SOX5: variants seen among roughly 807,000 people sequenced by gnomAD.
SOX5 encodes transcription factor SOX-5.
A neutral mutation model predicts 92.0 loss-of-function variants in SOX5; 9 were observed. That is an observed-to-expected ratio of 0.10 (90% CI 0.06 to 0.17). The LOEUF is 0.17. Among genes scored for constraint, SOX5 ranks in the 10% least tolerant of loss-of-function variants. The pLI, the probability that SOX5 is intolerant of heterozygous loss-of-function variation, is 1.00. For synonymous variants in SOX5, 344 were observed against 336.3 expected (o/e 1.02, Z -0.25); for missense variants, 642 against 944.5 (o/e 0.68, Z 4.20).
intron 2 of SOX5, among the ~76,000 whole-genome samples, chr12:24,361,904 C>T (rs911605913): frequency 2.0e-5 from 3 of 152,144 alleles, no homozygotes; most frequent in Non-Finnish European, 4.4e-5. Flanking sequence ...TTCTTCTACT[C>T]CAAGAGTCCA....
intron 4 of SOX5, among the ~76,000 whole-genome samples, chr12:24,158,257 T>C (rs1487807639): frequency 1.3e-5 from 2 of 152,076 alleles, no homozygotes; most frequent in Non-Finnish European, 2.9e-5. Context: ...AATAAAAATG[T>C]TTATTTAATA....
intron 1 of SOX5, among the ~76,000 whole-genome samples, chr12:23,898,973 G>C (rs992716523): frequency 5.3e-5 from 8 of 152,294 alleles, no homozygotes; most frequent in Middle Eastern, 3.4e-3. Flanking sequence ...ATATCAATCT[G>C]TTGGTTGTAT....
At chr12:24,082,291 C>T (rs1943433621) in intron 4 of SOX5, among the ~76,000 whole-genome samples, 2 of 150,790 alleles carry the variant, frequency 1.3e-5, no homozygotes, top group South Asian at 4.2e-4. Flanking sequence ...ACCACCATGT[C>T]TGTGCCCCAC....
upstream of SOX5, chr12:23,951,105 C>G: frequency 2.0e-6 from 1 of 491,678 alleles, no homozygotes; most frequent in South Asian, 3.2e-5. Flanking sequence ...GAAAAAAAAG[C>G]CTTCCATTGT....
intron 1 of SOX5, among the ~76,000 whole-genome samples, chr12:24,536,357 C>T (rs967996750): frequency 1.3e-5 from 2 of 152,148 alleles, no homozygotes; most frequent in African/African-American, 4.8e-5. Context: ...AGAGAGATGT[C>T]GGGATCAAGG....
At chr12:24,254,647 A>T (rs1338395293) in intron 3 of SOX5, among the ~76,000 whole-genome samples, 1 of 151,834 alleles carries the variant, frequency 6.6e-6, no homozygotes. Flanking sequence ...TGGGTTATCA[A>T]GTGGAAAAAT....
intron 4 of SOX5, among the ~76,000 whole-genome samples, chr12:24,034,802 A>G (rs1955859622): frequency 6.6e-6 from 1 of 152,098 alleles, no homozygotes; most frequent in South Asian, 2.1e-4. Context: ...GTGTTTTACT[A>G]TTTGATGGAT....
chr12:24,263,527 C>CAAAAAAAAAA lies in SOX5; in HGVS notation c.-77+13679_-77+13688dup. ...TGGGCGACAGAGCGAGACTCCGTCT[C>CAAAAAAAAAA]AAAAAAAAAAAAACAAAAAAAAAAA... On this transcript the variant is annotated intron_variant, in intron 3 of 4. Coordinates refer to the SOX5 transcript ENST00000446891. 1.8e-3 allele frequency among the ~76,000 whole-genome samples: 115 copies of CAAAAAAAAAA among 62,980 alleles called. 2 individuals are homozygous for CAAAAAAAAAA. Among genetic ancestry groups the CAAAAAAAAAA allele is most frequent in the Middle Eastern group, 0.023 (1 of 44 alleles). The allele number at this position is 62,980 out of a possible 152,430, so 41.3% of individuals were successfully genotyped here.
At chr12:23,825,370 T>C (rs2096211120) in intron 3 of SOX5, among the ~76,000 whole-genome samples, 1 of 152,170 alleles carries the variant, frequency 6.6e-6, no homozygotes, top group Non-Finnish European at 1.5e-5. Context: ...GGCAACGCCC[T>C]ACCCTGCTTC....
intron 8 of SOX5, among the ~76,000 whole-genome samples, chr12:23,636,645 A>T (rs1203372693): frequency 2.0e-5 from 3 of 152,196 alleles, no homozygotes; most frequent in Non-Finnish European, 2.9e-5. Flanking sequence ...CCATGTAAAG[A>T]GGCATGAAAT....
At chr12:23,860,447 T>C (rs777514370) in intron 2 of SOX5, among the ~76,000 whole-genome samples, 5 of 152,106 alleles carry the variant, frequency 3.3e-5, no homozygotes, top group Non-Finnish European at 7.4e-5. Context: ...GTTGAAACAA[T>C]GATTATGGTA....
At chr12:23,610,338 C>T (rs930830144) in intron 8 of SOX5, among the ~76,000 whole-genome samples, 1 of 152,106 alleles carries the variant, frequency 6.6e-6, no homozygotes, top group East Asian at 1.9e-4. Context: ...GACTACTAGT[C>T]CACTGTCTAA....
chr12:23,591,752 T>C (rs559659725), intron 9 of SOX5, among the ~76,000 whole-genome samples: 2 of 152,266 alleles, frequency 1.3e-5, no homozygotes, highest in South Asian at 4.1e-4. Flanking sequence ...AAGAGTTGCA[T>C]AGAGAAGTAT....
At chr12:24,386,223 TCTAC>T (rs542765997) in intron 1 of SOX5, among the ~76,000 whole-genome samples, 1 of 152,132 alleles carries the variant, frequency 6.6e-6, no homozygotes, top group South Asian at 2.1e-4. Flanking sequence ...GAGGATTTAC[TCTAC>T]CTAACTTTCC....
chr12:24,222,569 C>T (rs1007093815), intron 3 of SOX5, among the ~76,000 whole-genome samples: 3 of 152,112 alleles, frequency 2.0e-5, no homozygotes, highest in Admixed American at 6.5e-5. Context: ...CATCAAGGCA[C>T]GTTACAAACT....
At chr12:24,504,545 T>C (rs530004826) in intron 1 of SOX5, among the ~76,000 whole-genome samples, 3 of 152,302 alleles carry the variant, frequency 2.0e-5, no homozygotes, top group Non-Finnish European at 4.4e-5. Flanking sequence ...ATTTCTTTCA[T>C]GACAATTCTA....
intron 2 of SOX5, among the ~76,000 whole-genome samples, chr12:24,278,484 A>G (rs1944760016): frequency 6.6e-6 from 1 of 152,170 alleles, no homozygotes; most frequent in Non-Finnish European, 1.5e-5. Context: ...AGGCTGCAGC[A>G]AAAGTATTAC....
chr12:23,798,749 TA>T (rs1035989224), intron 3 of SOX5, among the ~76,000 whole-genome samples: 3 of 151,884 alleles, frequency 2.0e-5, no homozygotes, highest in African/African-American at 7.2e-5. Context: ...AACTGTATTT[TA>T]AAAAAACTTG....
At chr12:23,938,255 A>G (rs1300973298) in intron 1 of SOX5, among the ~76,000 whole-genome samples, 1 of 151,002 alleles carries the variant, frequency 6.6e-6, no homozygotes, top group African/African-American at 2.4e-5. Context: ...TTCTTAGGTG[A>G]TTTGGTTTGC....
Sources: allele counts gnomAD v4.1 joint callset (sites outside exome capture counted in the v4.1 genomes callset), GRCh38; gene constraint gnomAD v4.1.1; transcripts MANE v1.5; gene names NCBI Gene and HGNC (gene_info 2026-07-23, HGNC 2026-07-21).